The following RNPS1 variants were observed in gnomAD, a reference collection of about 807,000 sequenced individuals.
The protein encoded by RNPS1 is RNA-binding protein with serine-rich domain 1.
For synonymous variants in RNPS1, 147 were observed against 150.0 expected (o/e 0.98, Z 0.15); for missense variants, 300 against 427.6 (o/e 0.70, Z 2.63).
At chr16:2,257,182 A>T (rs1420250989) in intron 6 of RNPS1, 1 of 152,242 alleles carries the variant, frequency 6.6e-6, no homozygotes, top group Non-Finnish European at 1.5e-5. Context: ...CAGGAACCCC[A>T]GGGGAGCATG....
rs565513593 is a variant in RNPS1, at chr16:2,264,734, C to T, written c.-91G>A. The stretch of plus-strand genomic sequence containing the variant: ...TTGATTCTGAGAAACGATCCCTAAT[C>T]GATTGCAATTTACGCCAAAGAGCAG... On this transcript the variant is annotated 5_prime_UTR_variant, in exon 2 of 8. Transcript: ENST00000320225. 8.9e-6 allele frequency: 14 copies of T among 1,577,034 alleles called. No individual in the cohort carries two copies. In the South Asian group the frequency reaches 1.0e-4, roughly 12 times the overall value.
intron 6 of RNPS1, chr16:2,256,567 A>AC (rs1332741871): frequency 6.6e-6 from 1 of 152,322 alleles, no homozygotes; most frequent in Non-Finnish European, 1.5e-5. Flanking sequence ...AAGAAAAAAA[A>AC]AAGAAAAGTA....
At position 2,262,181 on chromosome 16, in the gene RNPS1, A is replaced by C. The variant is rs941781960; in HGVS notation, c.676+97T>G. The C allele has an allele frequency of 2.3e-6, 3 of 1,293,634 alleles. No homozygotes were observed. In the African/African-American group the frequency reaches 4.4e-5, roughly 19 times the overall value. 80.1% of individuals were successfully genotyped at this position (1,293,634 alleles called of 1,614,324 possible). On this transcript the variant is annotated intron_variant, in intron 6 of 7. Coordinates refer to ENST00000320225, the MANE Select transcript of RNPS1 (RefSeq NM_080594.4). ...ACAAGTGTGAAACTCTGTCTCAAAC[A>C]AACAAAAAGAAGTGCAGCCCAGTTG...
chr16:2,255,913 G>A (rs2093576232), intron 6 of RNPS1, 187 bp from the exon 7 acceptor site: 8 of 619,210 alleles, frequency 1.3e-5, no homozygotes, highest in Non-Finnish European at 2.3e-5. Context: ...GGATCACGAG[G>A]TCAGGAGATC....
At chr16:2,259,662 G>A (rs1432493242) in intron 6 of RNPS1, among the ~76,000 whole-genome samples, 1 of 152,192 alleles carries the variant, frequency 6.6e-6, no homozygotes, top group African/African-American at 2.4e-5. Context: ...GGCTGAGGCG[G>A]GCGGATCACG....
At chr16:2,268,007 C>G (rs1204768053) in intron 1 of RNPS1, 48 bp downstream of exon 1, 1 of 1,533,476 alleles carries the variant, frequency 6.5e-7, no homozygotes, top group South Asian at 1.2e-5. Flanking sequence ...CCGGGCCTGC[C>G]GGGCAGCCCC....
At position 2,262,691 on chromosome 16, in the gene RNPS1, C is replaced by A. The variant is rs770244492; in HGVS notation, c.522+49G>T. The A allele has an allele frequency of 3.3e-6, 5 of 1,503,642 alleles. No individual in the cohort carries two copies. In the South Asian group the frequency reaches 3.4e-5, roughly 10 times the overall value. 93.1% of individuals were successfully genotyped at this position (1,503,642 alleles called of 1,614,324 possible). A position where few individuals can be genotyped will look rare whatever the true frequency, so the allele number is the denominator to read the frequency against. On this transcript the variant is annotated intron_variant, in intron 5 of 7. Transcript: ENST00000320225. ...TTCTAAGTTCATCTGCAGGCACAGG[C>A]CTGCTTGTCCACACCCCACTGCCCA... is the stretch of plus-strand genomic sequence containing the variant.
intron 1 of RNPS1, chr16:2,266,347 C>T (rs1406314850): frequency 2.0e-6 from 2 of 985,046 alleles, no homozygotes; most frequent in Non-Finnish European, 2.4e-6. Flanking sequence ...CTGCAGACAC[C>T]CAGCAGATAG....
In RNPS1 at chr16:2,267,629, C is replaced by G. The variant is rs1325584171; in HGVS notation, c.-118+426G>C. 84 of 1,080,318 alleles carry G rather than the reference C, an allele frequency of 7.8e-5. 2 individuals are homozygous for G. The East Asian group carries it at 6.6e-3, about 85-fold the overall frequency. 66.9% of individuals were successfully genotyped at this position (1,080,318 alleles called of 1,614,324 possible). Reference sequence around the variant, plus strand: ...CGCCCGCCGACACCGGCCCGACACGCCGACCTCGCCGCTACCCGTCCGCGT... The same window carrying G: ...CGCCCGCCGACACCGGCCCGACACGGCGACCTCGCCGCTACCCGTCCGCGT... On this transcript the variant is annotated intron_variant, in intron 1 of 7. Transcript: ENST00000320225.
chr16:2,263,597 C>A (rs1180686527), intron 3 of RNPS1, among the ~76,000 whole-genome samples: 1 of 152,218 alleles, frequency 6.6e-6, no homozygotes, highest in Non-Finnish European at 1.5e-5. Context: ...AAGGCAGCTG[C>A]TGGCTGATGC....
intron 6 of RNPS1, chr16:2,258,081 T>C (rs1048313008): frequency 3.9e-5 from 6 of 152,190 alleles, no homozygotes; most frequent in Non-Finnish European, 8.8e-5. Flanking sequence ...CAGATACAAA[T>C]AGCTATAAAC....
intron 1 of RNPS1, chr16:2,266,761 T>C (rs1207254112): frequency 4.4e-5 from 42 of 948,828 alleles, no homozygotes; most frequent in Non-Finnish European, 5.1e-5. Flanking sequence ...AATTCCTTAG[T>C]AGCCACGTCA....
chr16:2,266,353 G>A, intron 1 of RNPS1: 1 of 985,422 alleles, frequency 1.0e-6, no homozygotes, highest in South Asian at 4.7e-5. Flanking sequence ...ACACCCAGCA[G>A]ATAGTGCCTC....
chr16:2,263,889 T>C (rs2093613607), intron 3 of RNPS1: 1 of 376,976 alleles, frequency 2.7e-6, no homozygotes, highest in African/African-American at 2.2e-5. Flanking sequence ...ATTTTACAAA[T>C]TACTCTTTTT....
intron 3 of RNPS1, 127 bp downstream of exon 3, chr16:2,264,049 G>C: frequency 1.7e-6 from 2 of 1,157,268 alleles, no homozygotes; most frequent in Middle Eastern, 3.0e-4. Flanking sequence ...CCATAAATTA[G>C]GGTCTCTACT....
intron 1 of RNPS1, chr16:2,266,707 A>G: frequency 1.0e-6 from 1 of 985,458 alleles, no homozygotes. Context: ...CTGCAGCAGC[A>G]CTGTCCAATA....
rs192113498 is a variant in RNPS1 at position 2,254,634 on chromosome 16, T to C, written c.819-571A>G. Among the ~76,000 whole-genome samples the C allele has an allele frequency of 3.7e-3, 557 of 151,950 alleles. 2 individuals carry two copies. The highest frequency in any genetic ancestry group is 5.5e-3 in the Non-Finnish European group (371 of 67,940). On this transcript the variant is annotated intron_variant, in intron 7 of 7. Coordinates refer to ENST00000320225, the MANE Select transcript of RNPS1 (RefSeq NM_080594.4). Reference sequence around the variant, plus strand: ...TTTTTGTACGGATGGGGTTTCACCATGTTGGCCAGGATGGTCTCGACCTCC... The same window carrying C: ...TTTTTGTACGGATGGGGTTTCACCACGTTGGCCAGGATGGTCTCGACCTCC...
At chr16:2,255,489 TG>T in intron 7 of RNPS1, 95 bp downstream of exon 7, 2 of 1,402,510 alleles carry the variant, frequency 1.4e-6, no homozygotes, top group Non-Finnish European at 1.9e-6. Context: ...CGCACAGCAG[TG>T]GAAGGCAGGC....
chr16:2,263,232 T>C lies in RNPS1; in HGVS notation c.283A>G (p.Ser95Gly). ...GATGCTGAGGAAGAGCTGGAGCCAC[T>C]GCTTGAGCCAGTGCTGGTGCTGGAG... ...SGSSTSTGSS[S>G]GSSSSSASSR... is the part of the protein sequence containing the mutation. The change falls in exon 4 of 8, where the codon AGT becomes GGT. Residue 95 changes from serine to glycine, a missense_variant. Physicochemically the swap from Ser to Gly is moderately conservative, Grantham distance 56 (BLOSUM62 0). Transcript: ENST00000320225. The C allele has an allele frequency of 6.2e-7, 1 of 1,613,628 alleles. No homozygotes were observed. The highest frequency in any genetic ancestry group is 8.5e-7 in the Non-Finnish European group (1 of 1,179,794).
Sources: gnomAD v4.1 joint callset for allele counts (sites outside exome capture counted in the v4.1 genomes callset) on GRCh38, gnomAD v4.1.1 for gene constraint, MANE v1.5 for transcripts, NCBI Gene and HGNC (gene_info 2026-07-23, HGNC 2026-07-21) for gene names.